The following MEOX1 variants were observed in gnomAD, a reference collection of about 807,000 sequenced individuals.
MEOX1 encodes the protein mesenchyme homeobox 1.
MEOX1 carries 17 observed loss-of-function variants against 23.2 expected under a neutral mutation model. That is an observed-to-expected ratio of 0.73 (90% CI 0.50 to 1.10). MEOX1 has a LOEUF of 1.10. MEOX1 is among the 50% of genes least tolerant of loss of function. MEOX1 has a pLI of 0.00. For missense variants in MEOX1, 333 were observed against 332.2 expected (o/e 1.00, Z -0.02); for synonymous variants, 134 against 135.1 (o/e 0.99, Z 0.06).
Position 43,660,079 on chromosome 17 carries a change from G to A in MEOX1, c.469+987C>T, listed in dbSNP as rs1042577373. Among the ~76,000 whole-genome samples, 6 of 152,234 alleles carry A rather than the reference G, an allele frequency of 3.9e-5. No individual in the cohort carries two copies. The East Asian group carries it at 1.2e-3, about 29-fold the overall frequency. On this transcript the variant is annotated intron_variant, in intron 1 of 2. Coordinates refer to ENST00000318579, the MANE Select transcript of MEOX1 (RefSeq NM_004527.4). The stretch of plus-strand genomic sequence containing the variant: ...ACAGACAGGCGTGCCCCTGAGGGCG[G>A]CTGTCAGGAGGAAAACAGGGCAGCA...
intron 1 of MEOX1, among the ~76,000 whole-genome samples, chr17:43,645,171 C>CTT (rs869205502): frequency 7.8e-3 from 776 of 99,698 alleles, no homozygotes; most frequent in Non-Finnish European, 9.8e-3. Context: ...CATTAATTAT[C>CTT]TTTTTTTTTT....
intron 2 of MEOX1, 87 bp downstream of exon 2, chr17:43,643,398 AAGG>A (rs1408671324): frequency 3.3e-6 from 4 of 1,225,984 alleles, no homozygotes; most frequent in African/African-American, 3.1e-5. Flanking sequence ...GAGGAAGAAA[AAGG>A]AGAAGGTCCA....
intron 1 of MEOX1, among the ~76,000 whole-genome samples, chr17:43,648,678 A>G (rs1329858442): frequency 6.6e-6 from 1 of 152,042 alleles, no homozygotes; most frequent in African/African-American, 2.4e-5. Context: ...TTGATGCCCT[A>G]CACTCCCTAC....
At chr17:43,659,564 C>T (rs1973102294) in intron 1 of MEOX1, among the ~76,000 whole-genome samples, 1 of 152,180 alleles carries the variant, frequency 6.6e-6, no homozygotes, top group African/African-American at 2.4e-5. Context: ...ACCAATTCTT[C>T]TGTTTGCCTG....
rs763360957 is a variant in MEOX1 at position 43,642,036 on chromosome 17, G to C, written c.643-4C>G. On this transcript the variant is annotated splice_region_variant and splice_polypyrimidine_tract_variant and intron_variant, in intron 2 of 2. Coordinates refer to ENST00000318579, the MANE Select transcript of MEOX1 (RefSeq NM_004527.4). ...GGTTCTGGAACCACACTTTGACCTG[G>C]GGGAGGAAGCAAAGGAGCCTGGTCA... The C allele has an allele frequency of 6.2e-7, 1 of 1,612,208 alleles. No individual in the cohort carries two copies. The highest frequency in any genetic ancestry group is 1.7e-5 in the Admixed American group (1 of 59,852).
At chr17:43,643,261 C>T (rs1972732427) in intron 2 of MEOX1, among the ~76,000 whole-genome samples, 1 of 152,100 alleles carries the variant, frequency 6.6e-6, no homozygotes, top group Non-Finnish European at 1.5e-5. Context: ...ACAGTAAGAT[C>T]GCGCCACTGC....
chr17:43,642,138 A>G, intron 2 of MEOX1, 106 bp from the exon 3 acceptor site: 1 of 1,244,234 alleles, frequency 8.0e-7, no homozygotes, highest in Non-Finnish European at 1.1e-6. Flanking sequence ...CCCCAGCTTG[A>G]AACCATCACT....
intron 1 of MEOX1, among the ~76,000 whole-genome samples, chr17:43,652,600 G>A (rs895737321): frequency 3.3e-5 from 5 of 151,976 alleles, no homozygotes; most frequent in Admixed American, 2.0e-4. Flanking sequence ...ACTCACCCAC[G>A]TCCACACAGC....
rs528457909 is a variant in MEOX1, at chr17:43,642,173, C to T, written c.643-141G>A. The T allele has an allele frequency of 8.2e-6, 7 of 851,030 alleles. 1 individual carries two copies. Among genetic ancestry groups the T allele is most frequent in the Non-Finnish European group, 1.3e-5 (7 of 557,146 alleles). 52.7% of individuals were successfully genotyped at this position (851,030 alleles called of 1,614,324 possible). On this transcript the variant is annotated intron_variant, in intron 2 of 2. Transcript: ENST00000318579. ...TTACCACTCCCTACTCCCTCAAAGG[C>T]CCCAGGAACTAGGACCGAAGAGAGG...
At chr17:43,644,586 A>T (rs1021862152) in intron 1 of MEOX1, among the ~76,000 whole-genome samples, 8 of 152,252 alleles carry the variant, frequency 5.3e-5, no homozygotes, top group Non-Finnish European at 7.3e-5. Context: ...GTGGGAGACA[A>T]GAATTAAATT....
At position 43,641,961 on chromosome 17, in the gene MEOX1, A is replaced by G. The variant is rs1972703227; in HGVS notation, c.714T>C (p.Asn238=). ...RVKGGQPISP[N]GQDPEDGDST... ...AGTCCCCATCCTCAGGGTCCTGCCC[A>G]TTGGGGGAGATGGGCTGACCTCCCT... The change falls in exon 3 of 3, where the codon AAT becomes AAC. Residue 238 remains asparagine, a synonymous_variant. Transcript: ENST00000318579. 1.9e-6 allele frequency: 3 copies of G among 1,613,872 alleles called. No homozygotes were observed. The highest frequency in any genetic ancestry group is 1.7e-5 in the Admixed American group (1 of 59,982).
chr17:43,660,213 G>A (rs1432552888), intron 1 of MEOX1, among the ~76,000 whole-genome samples: 2 of 152,210 alleles, frequency 1.3e-5, no homozygotes, highest in Admixed American at 6.5e-5. Flanking sequence ...GTGGGGAGGT[G>A]AGGAAGCAGC....
At chr17:43,655,855 G>A (rs1048714820) in intron 1 of MEOX1, among the ~76,000 whole-genome samples, 6 of 152,054 alleles carry the variant, frequency 3.9e-5, no homozygotes, top group African/African-American at 1.4e-4. Flanking sequence ...TAGGGGGTGG[G>A]GGAAGGGAAA....
At chr17:43,648,272 A>G (rs994934503) in intron 1 of MEOX1, among the ~76,000 whole-genome samples, 5 of 152,102 alleles carry the variant, frequency 3.3e-5, no homozygotes, top group African/African-American at 1.2e-4. Flanking sequence ...GATCGAGACC[A>G]TCCTGGCTAA....
At chr17:43,660,992 A>T in intron 1 of MEOX1, 74 bp downstream of exon 1, 1 of 941,536 alleles carries the variant, frequency 1.1e-6, no homozygotes, top group Non-Finnish European at 1.6e-6. Context: ...CAGAGCACCT[A>T]GGCACAGAGA....
chr17:43,646,385 G>A (rs1466769497), intron 1 of MEOX1, among the ~76,000 whole-genome samples: 1 of 152,218 alleles, frequency 6.6e-6, no homozygotes, highest in African/African-American at 2.4e-5. Flanking sequence ...CCACGGGCCC[G>A]GAGAGAGGCA....
rs757806317 is a variant in MEOX1, at chr17:43,642,044, A to G, written c.643-12T>C. On this transcript the variant is annotated splice_polypyrimidine_tract_variant and intron_variant, in intron 2 of 2. Transcript: ENST00000318579. ...AACCACACTTTGACCTGGGGGAGGA[A>G]GCAAAGGAGCCTGGTCACTCCAGGG... 1.2e-6 allele frequency: 2 copies of G among 1,610,788 alleles called. No individual in the cohort carries two copies. Among genetic ancestry groups the G allele is most frequent in the South Asian group, 2.2e-5 (2 of 90,386 alleles).
intron 1 of MEOX1, 108 bp from the exon 2 acceptor site, chr17:43,643,768 A>G: frequency 1.3e-6 from 1 of 773,530 alleles, no homozygotes; most frequent in South Asian, 2.4e-5. Flanking sequence ...CCTTATTTTT[A>G]CAGGATGCTG....
intron 1 of MEOX1, among the ~76,000 whole-genome samples, chr17:43,647,651 T>C (rs543800782): frequency 9.9e-5 from 15 of 152,212 alleles, no homozygotes; most frequent in Admixed American, 2.0e-4. Context: ...AGGTGCCCCA[T>C]GATGTCCCCC....
Sources: gnomAD v4.1 joint callset for allele counts (sites outside exome capture counted in the v4.1 genomes callset) on GRCh38, gnomAD v4.1.1 for gene constraint, MANE v1.5 for transcripts, NCBI Gene and HGNC (gene_info 2026-07-23, HGNC 2026-07-21) for gene names.